CELF4: variants seen among roughly 807,000 people sequenced by gnomAD.
CELF4 encodes CUG-BP- and ETR-3-like factor 4.
In CELF4, 18 loss-of-function variants were observed where a neutral mutation model predicts 59.9. That is an observed-to-expected ratio of 0.30 (90% CI 0.21 to 0.45). CELF4 has a LOEUF of 0.45. Ranked by LOEUF, CELF4 falls within the 20% of genes least tolerant of loss-of-function variation. CELF4 has a pLI of 1.00. For synonymous variants in CELF4, 261 were observed against 267.1 expected, an observed-to-expected ratio of 0.98 and a Z score of 0.22; for missense variants, 456 against 689.0, an observed-to-expected ratio of 0.66 and a Z score of 3.79.
At chr18:37,558,416 CT>C (rs2099985512) in intron 1 of CELF4, among the ~76,000 whole-genome samples, 1 of 144,774 alleles carries the variant, frequency 6.9e-6, no homozygotes, top group Admixed American at 6.9e-5. Context: ...GTCCTGGTAC[CT>C]TTAACTTCTC....
Position 37,547,626 on chromosome 18 carries a change from A to G in CELF4, c.286+17730T>C, listed in dbSNP as rs928149853. ...AGATTGCAGGGGGAGTGCTCTCAGCAAATGCCTTCTGTTTATTTGCTGACT... is the reference window on the plus strand; with the variant it reads ...AGATTGCAGGGGGAGTGCTCTCAGCGAATGCCTTCTGTTTATTTGCTGACT... On this transcript the variant is annotated intron_variant, in intron 1 of 12. Coordinates refer to ENST00000420428, the MANE Select transcript of CELF4 (RefSeq NM_020180.4). 1.7e-4 allele frequency among the ~76,000 whole-genome samples: 26 copies of G among 152,210 alleles called. 1 individual carries two copies. The highest frequency in any genetic ancestry group is 1.5e-5 in the Non-Finnish European group (1 of 68,030).
intron 1 of CELF4, among the ~76,000 whole-genome samples, chr18:37,504,026 G>A (rs1042738563): frequency 6.6e-6 from 1 of 152,220 alleles, no homozygotes; most frequent in South Asian, 2.1e-4. Flanking sequence ...GTTCCTGGAA[G>A]AGCTTTCTCT....
At chr18:37,460,860 G>A (rs2099791438) in intron 2 of CELF4, among the ~76,000 whole-genome samples, 1 of 152,202 alleles carries the variant, frequency 6.6e-6, no homozygotes, top group African/African-American at 2.4e-5. Flanking sequence ...TAACAGCTGT[G>A]GGTTGATTGG....
intron 1 of CELF4, among the ~76,000 whole-genome samples, chr18:37,547,160 GGT>G (rs59169669): frequency 0.032 from 4,667 of 144,174 alleles, 119 homozygotes; most frequent in African/African-American, 0.075. Context: ...GTGTGTGTGT[GGT>G]GTGTGTGTGT....
intron 1 of CELF4, among the ~76,000 whole-genome samples, chr18:37,499,372 T>C (rs1173915963): frequency 2.0e-5 from 3 of 152,076 alleles, no homozygotes; most frequent in Non-Finnish European, 2.9e-5. Context: ...GACCTGGGAA[T>C]GTGGGCTGGG....
chr18:37,463,668 A>G (rs1361289843), intron 2 of CELF4, among the ~76,000 whole-genome samples: 1 of 151,950 alleles, frequency 6.6e-6, no homozygotes, highest in Non-Finnish European at 1.5e-5. Context: ...TGGGCCTGAG[A>G]TCTTTCTTTG....
At chr18:37,444,188 C>T (rs1208986851) in intron 2 of CELF4, among the ~76,000 whole-genome samples, 3 of 152,092 alleles carry the variant, frequency 2.0e-5, no homozygotes, top group South Asian at 2.1e-4. Context: ...AGACCCTGAC[C>T]CTGAGCCCAT....
chr18:37,450,332 A>C (rs2099759725), intron 2 of CELF4, among the ~76,000 whole-genome samples: 1 of 150,832 alleles, frequency 6.6e-6, no homozygotes, highest in South Asian at 2.1e-4. Context: ...TCTTTGTGCT[A>C]TACGTCTCTC....
At chr18:37,336,074 C>T (rs1458363092) in intron 2 of CELF4, among the ~76,000 whole-genome samples, 1 of 152,204 alleles carries the variant, frequency 6.6e-6, no homozygotes, top group Non-Finnish European at 1.5e-5. Flanking sequence ...CTTCTGAGCC[C>T]TGAGGAGCAG....
chr18:37,278,962 G>A (rs1345704995), intron 3 of CELF4, among the ~76,000 whole-genome samples: 5 of 152,190 alleles, frequency 3.3e-5, no homozygotes, highest in African/African-American at 4.8e-5. Context: ...CATTTGGCTG[G>A]TGTCTTGGGT....
chr18:37,519,852 C>T (rs2099955220), intron 1 of CELF4, among the ~76,000 whole-genome samples: 1 of 152,206 alleles, frequency 6.6e-6, no homozygotes. Flanking sequence ...TGATTCCTGT[C>T]CTCTGGGAGG....
At chr18:37,262,973 C>T (rs997812609) in intron 10 of CELF4, among the ~76,000 whole-genome samples, 1 of 152,170 alleles carries the variant, frequency 6.6e-6, no homozygotes, top group Non-Finnish European at 1.5e-5. Flanking sequence ...GCATGGGAAG[C>T]CCTGATGCCC....
chr18:37,536,316 G>A (rs905654395), intron 1 of CELF4, among the ~76,000 whole-genome samples: 14 of 152,118 alleles, frequency 9.2e-5, no homozygotes, highest in Non-Finnish European at 1.3e-4. Flanking sequence ...GGTCTTCAGA[G>A]TCCCAAGGGA....
intron 2 of CELF4, among the ~76,000 whole-genome samples, chr18:37,322,691 C>G (rs1467199906): frequency 6.6e-6 from 1 of 152,218 alleles, no homozygotes; most frequent in East Asian, 1.9e-4. Context: ...AGGGTGGGCT[C>G]TACAGCCCGG....
intron 3 of CELF4, among the ~76,000 whole-genome samples, chr18:37,315,811 C>A (rs796433375): frequency 6.6e-6 from 1 of 152,206 alleles, no homozygotes; most frequent in Non-Finnish European, 1.5e-5. Context: ...TCCTTCAGGG[C>A]CCCTGTCTGG....
intron 2 of CELF4, among the ~76,000 whole-genome samples, chr18:37,424,581 T>C (rs1055405602): frequency 6.6e-6 from 1 of 152,202 alleles, no homozygotes; most frequent in South Asian, 2.1e-4. Context: ...TTTTGCATGC[T>C]GGTAACTGGG....
chr18:37,558,160 C>A (rs2099985377), intron 1 of CELF4, among the ~76,000 whole-genome samples: 1 of 151,928 alleles, frequency 6.6e-6, no homozygotes, highest in Non-Finnish European at 1.5e-5. Flanking sequence ...CACCACCATG[C>A]CCCACTAATT....
chr18:37,387,128 A>T (rs1317212985), intron 2 of CELF4, among the ~76,000 whole-genome samples: 1 of 152,206 alleles, frequency 6.6e-6, no homozygotes, highest in Non-Finnish European at 1.5e-5. Context: ...TACAGATTCT[A>T]GCAGTAAGAA....
chr18:37,381,839 C>T (rs2099044313), intron 2 of CELF4, among the ~76,000 whole-genome samples: 1 of 152,134 alleles, frequency 6.6e-6, no homozygotes, highest in South Asian at 2.1e-4. Context: ...CCTGTGCGGT[C>T]CCAGTCTCAC....
Sources: allele counts gnomAD v4.1 joint callset (sites outside exome capture counted in the v4.1 genomes callset), GRCh38; gene constraint gnomAD v4.1.1; transcripts MANE v1.5; gene names NCBI Gene and HGNC (gene_info 2026-07-23, HGNC 2026-07-21).